C4BPA: variants seen among roughly 807,000 people sequenced by gnomAD.
C4BPA encodes the protein C4b-binding protein alpha chain.
A neutral mutation model predicts 63.7 loss-of-function variants in C4BPA; 31 were observed. The observed-to-expected ratio is 0.49, with a 90% confidence interval of 0.37 to 0.66. The LOEUF (loss-of-function observed/expected upper bound fraction) is 0.66. C4BPA is among the 30% of genes least tolerant of loss of function. The pLI, the probability that C4BPA is intolerant of heterozygous loss-of-function variation, is 0.00. For synonymous variants in C4BPA, 259 were observed against 254.7 expected (o/e 1.02, Z -0.16); for missense variants, 572 against 723.3 (o/e 0.79, Z 2.40).
Position 207,142,066 on chromosome 1 carries a change from C to T in C4BPA, c.1444+790C>T, listed in dbSNP as rs1035884983. Among the ~76,000 whole-genome samples the T allele has an allele frequency of 5.9e-5, 9 of 152,042 alleles. No individual in the cohort carries two copies. The South Asian group carries it at 1.9e-3, about 32-fold the overall frequency. ...GTATTTCTCCTAATGTTATCTCTCC[C>T]CTTGCCCCCCACCCCCCGACAGGCC... is the stretch of plus-strand genomic sequence containing the variant. On this transcript the variant is annotated intron_variant, in intron 10 of 11. Transcript: ENST00000367070.
At chr1:207,129,048 A>G (rs1407334623) in intron 7 of C4BPA, among the ~76,000 whole-genome samples, 1 of 152,210 alleles carries the variant, frequency 6.6e-6, no homozygotes, top group Non-Finnish European at 1.5e-5. Flanking sequence ...TTAAAGAATT[A>G]AGTAAATGTA....
intron 4 of C4BPA, among the ~76,000 whole-genome samples, chr1:207,117,193 T>C (rs896101986): frequency 6.6e-6 from 1 of 152,220 alleles, no homozygotes; most frequent in Non-Finnish European, 1.5e-5. Flanking sequence ...CTCACACCTG[T>C]AATCCCAGCA....
chr1:207,113,339 G>GA (rs1456235133), intron 2 of C4BPA, among the ~76,000 whole-genome samples, 172 bp downstream of exon 2: 5 of 152,138 alleles, frequency 3.3e-5, no homozygotes, highest in Non-Finnish European at 7.4e-5. Context: ...ACACATAAAG[G>GA]AAATAGTGTT....
intron 4 of C4BPA, among the ~76,000 whole-genome samples, chr1:207,116,512 G>A (rs1259201761): frequency 6.7e-5 from 3 of 44,820 alleles, no homozygotes; most frequent in Non-Finnish European, 1.9e-4. Flanking sequence ...GTGTGTGTGT[G>A]TATATGTGTG....
At chr1:207,129,464 A>C (rs1201010019) in intron 7 of C4BPA, among the ~76,000 whole-genome samples, 1 of 151,610 alleles carries the variant, frequency 6.6e-6, no homozygotes, top group Non-Finnish European at 1.5e-5. Context: ...TAATCTACAT[A>C]TCCAAGAAGC....
At chr1:207,142,425 G>A (rs1685439124) in intron 10 of C4BPA, among the ~76,000 whole-genome samples, 1 of 152,080 alleles carries the variant, frequency 6.6e-6, no homozygotes, top group African/African-American at 2.4e-5. Context: ...AATCCTTTGG[G>A]TATATGCCCA....
chr1:207,107,473 C>T (rs1312020725), intron 1 of C4BPA, among the ~76,000 whole-genome samples: 1 of 152,154 alleles, frequency 6.6e-6, no homozygotes, highest in Non-Finnish European at 1.5e-5. Flanking sequence ...CATTCGAGTC[C>T]AGGAGGTTGA....
At position 207,126,837 on chromosome 1, in the gene C4BPA, T is replaced by C. The variant is rs1433524057; in HGVS notation, c.831T>C (p.Ser277=). 1.2e-6 allele frequency: 2 copies of C among 1,613,406 alleles called. No homozygotes were observed. The highest frequency in any genetic ancestry group is 1.7e-6 in the Non-Finnish European group (2 of 1,179,658). Residue 277 remains serine (S), a synonymous_variant, in exon 7 of 12, where the codon AGT becomes AGC. Transcript: ENST00000367070. The part of the protein sequence containing the change: ...CQKGFVLRGS[S]VIHCDADSKW... ...AAGGTTTTGTTCTCAGAGGCAGCAGTGTAATTCATTGTGATGCTGATAGCA... is the reference window on the plus strand; with the variant it reads ...AAGGTTTTGTTCTCAGAGGCAGCAGCGTAATTCATTGTGATGCTGATAGCA...
intron 10 of C4BPA, 88 bp downstream of exon 10, chr1:207,141,364 C>A: frequency 4.0e-6 from 4 of 995,824 alleles, no homozygotes; most frequent in Non-Finnish European, 5.9e-6. Context: ...CTGTCAGAGG[C>A]AGCATGAAAA....
intron 1 of C4BPA, among the ~76,000 whole-genome samples, chr1:207,112,580 C>A (rs1263162307): frequency 6.6e-6 from 1 of 152,168 alleles, no homozygotes; most frequent in Non-Finnish European, 1.5e-5. Context: ...CTTTTATTCC[C>A]CAAGGAGTAA....
chr1:207,130,071 G>A (rs1023868863), intron 7 of C4BPA, among the ~76,000 whole-genome samples: 2 of 152,168 alleles, frequency 1.3e-5, no homozygotes, highest in African/African-American at 4.8e-5. Context: ...AATCAGCTAA[G>A]AGAAGGAAGG....
intron 1 of C4BPA, among the ~76,000 whole-genome samples, chr1:207,109,895 A>G (rs1293606077): frequency 6.6e-6 from 1 of 152,230 alleles, no homozygotes; most frequent in Non-Finnish European, 1.5e-5. Flanking sequence ...CTTTAAAATC[A>G]GGTAAAATCA....
At chr1:207,106,448 T>A (rs1053055316) in intron 1 of C4BPA, among the ~76,000 whole-genome samples, 15 of 136,338 alleles carry the variant, frequency 1.1e-4, no homozygotes, top group Non-Finnish European at 1.9e-4. Flanking sequence ...TAAGTTTTTT[T>A]TTTTTTTTTG....
At chr1:207,113,462 T>C (rs997609419) in intron 2 of C4BPA, among the ~76,000 whole-genome samples, 2 of 152,150 alleles carry the variant, frequency 1.3e-5, no homozygotes, top group African/African-American at 4.8e-5. Flanking sequence ...GACTAAACAA[T>C]TTTCACTGTT....
intron 10 of C4BPA, 54 bp from the exon 11 acceptor site, chr1:207,143,764 T>C: frequency 8.1e-7 from 1 of 1,234,120 alleles, no homozygotes; most frequent in Admixed American, 1.7e-5. Context: ...GAGACTGTTA[T>C]CATGTCCTTC....
chr1:207,116,514 ATATGTG>A (rs1286179037), intron 4 of C4BPA, among the ~76,000 whole-genome samples: 3 of 33,776 alleles, frequency 8.9e-5, no homozygotes, highest in African/African-American at 1.6e-4. Context: ...GTGTGTGTGT[ATATGTG>A]TGTGTGTGTG....
intron 9 of C4BPA, among the ~76,000 whole-genome samples, chr1:207,140,147 T>C (rs2102364580): frequency 6.6e-6 from 1 of 152,320 alleles, no homozygotes; most frequent in South Asian, 2.1e-4. Context: ...TGGCTATCAG[T>C]GAACCTTTTT....
At chr1:207,140,828 C>G (rs1354736258) in intron 9 of C4BPA, among the ~76,000 whole-genome samples, 1 of 152,116 alleles carries the variant, frequency 6.6e-6, no homozygotes. Flanking sequence ...TGAATTCAAC[C>G]TTCATGCCAA....
chr1:207,117,112 TTTAAAG>T (rs1249949557), intron 4 of C4BPA, among the ~76,000 whole-genome samples: 12 of 152,200 alleles, frequency 7.9e-5, no homozygotes, highest in African/African-American at 2.9e-4. Context: ...CTATAAGAAC[TTTAAAG>T]TTAGACATAT....
Sources: allele counts gnomAD v4.1 joint callset (sites outside exome capture counted in the v4.1 genomes callset), GRCh38; gene constraint gnomAD v4.1.1; transcripts MANE v1.5; gene names NCBI Gene and HGNC (gene_info 2026-07-23, HGNC 2026-07-21).